Variants in SEC14L5 observed in about 807,000 individuals in gnomAD.
The protein encoded by SEC14L5 is SEC14 like lipid binding 5, also known as SEC14-like protein 5.
A neutral mutation model predicts 84.6 loss-of-function variants in SEC14L5; 96 were observed. That is an observed-to-expected ratio of 1.13 (90% CI 0.96 to 1.34). The LOEUF (loss-of-function observed/expected upper bound fraction) is 1.34, where lower values mean the gene tolerates loss of function less well. Among genes scored for constraint, SEC14L5 ranks in the 40% most tolerant of loss-of-function variants. The probability of loss-of-function intolerance (pLI) is 0.00; values close to 1 mark genes in which losing one functional copy is unlikely to be tolerated. For missense variants in SEC14L5, 1,224 were observed against 942.5 expected (o/e 1.30, Z -3.91); for synonymous variants, 546 against 383.4 (o/e 1.42, Z -4.95).
At chr16:4,995,769 G>A (rs1955602124) in intron 6 of SEC14L5, among the ~76,000 whole-genome samples, 2 of 151,956 alleles carry the variant, frequency 1.3e-5, no homozygotes, top group Non-Finnish European at 2.9e-5. Context: ...TGGGATTACA[G>A]GTGTGTGCCA....
chr16:4,989,607 A>G (rs1955530669), intron 4 of SEC14L5, among the ~76,000 whole-genome samples: 1 of 152,128 alleles, frequency 6.6e-6, no homozygotes, highest in Non-Finnish European at 1.5e-5. Context: ...TTGGCCTTCC[A>G]AAGTGCTGGG....
chr16:5,013,716 C>T (rs1327215485), intron 15 of SEC14L5, among the ~76,000 whole-genome samples: 3 of 151,692 alleles, frequency 2.0e-5, no homozygotes, highest in African/African-American at 7.3e-5. Context: ...GTACCACCAC[C>T]CCTGGCTAAT....
chr16:4,981,733 A>G (rs1029674264), intron 2 of SEC14L5, among the ~76,000 whole-genome samples: 1 of 152,120 alleles, frequency 6.6e-6, no homozygotes, highest in Non-Finnish European at 1.5e-5. Context: ...CTTGGGGTAA[A>G]TTAGTGAGCC....
rs935978966 is a variant in SEC14L5 at position 4,975,663 on chromosome 16, C to T, written c.64-11894C>T. ...TGTATGTGTCTTTTTCACATAATGA[C>T]TTCTTTTCCTTTGGGTAGATACCCA... On this transcript the variant is annotated intron_variant, in intron 2 of 15. Transcript: ENST00000251170. 2.8e-4 allele frequency among the ~76,000 whole-genome samples: 43 copies of T among 151,970 alleles called. 1 individual carries two copies. Among genetic ancestry groups the T allele is most frequent in the Admixed American group, 7.9e-4 (12 of 15,236 alleles).
chr16:4,997,572 A>G (rs903025946), intron 8 of SEC14L5, among the ~76,000 whole-genome samples: 1 of 152,176 alleles, frequency 6.6e-6, no homozygotes, highest in African/African-American at 2.4e-5. Context: ...TGAGCCCACA[A>G]TTACTCACAA....
In SEC14L5 at chr16:5,015,982, G is replaced by A. The variant is rs1955871249; in HGVS notation, c.*1012G>A. On this transcript the variant is annotated 3_prime_UTR_variant, in exon 16 of 16. Transcript: ENST00000251170. The stretch of plus-strand genomic sequence containing the variant: ...AGATGCCTTTCTCTCCTAGGGAACT[G>A]TTTAATTATGACTGTTTTTGGTTGT... 2 of 152,232 alleles carry A rather than the reference G, an allele frequency of 1.3e-5. No homozygotes were observed. Among genetic ancestry groups the A allele is most frequent in the Non-Finnish European group, 2.9e-5 (2 of 68,064 alleles). The allele number at this position is 152,232 out of a possible 1,614,324, so 9.4% of individuals were successfully genotyped here. A position where few individuals can be genotyped will look rare whatever the true frequency, so the allele number is the denominator to read the frequency against.
At chr16:4,994,848 T>G (rs2142510627) in intron 6 of SEC14L5, among the ~76,000 whole-genome samples, 1 of 152,208 alleles carries the variant, frequency 6.6e-6, no homozygotes, top group South Asian at 2.1e-4. Flanking sequence ...GAGGACATCC[T>G]CATGCCCCTT....
At chr16:5,003,285 C>A (rs963459911) in intron 10 of SEC14L5, 117 bp from the exon 11 acceptor site, 14 of 739,112 alleles carry the variant, frequency 1.9e-5, no homozygotes, top group African/African-American at 3.5e-5. Flanking sequence ...TGGCAGGAGC[C>A]CCCATCTGCT....
chr16:4,990,255 C>T (rs1332597724), intron 4 of SEC14L5, among the ~76,000 whole-genome samples: 1 of 152,032 alleles, frequency 6.6e-6, no homozygotes, highest in African/African-American at 2.4e-5. Context: ...CTCCGCCTCC[C>T]AGGTTCAAGC....
intron 2 of SEC14L5, among the ~76,000 whole-genome samples, chr16:4,961,897 G>T (rs1433180797): frequency 6.6e-6 from 1 of 152,062 alleles, no homozygotes; most frequent in African/African-American, 2.4e-5. Context: ...CATGTGAGCT[G>T]CCAGAGCCTT....
intron 2 of SEC14L5, among the ~76,000 whole-genome samples, chr16:4,962,316 G>A (rs936347727): frequency 6.6e-6 from 1 of 152,068 alleles, no homozygotes. Flanking sequence ...ATGAAGGCAC[G>A]GCTCCATTTA....
chr16:4,958,339 C>G lies in SEC14L5; in HGVS notation c.-158C>G, dbSNP rs1462591883. 2 of 152,520 alleles carry G rather than the reference C, an allele frequency of 1.3e-5. No individual in the cohort carries two copies. Among genetic ancestry groups the G allele is most frequent in the Admixed American group, 6.5e-5 (1 of 15,286 alleles). 9.4% of individuals were successfully genotyped at this position (152,520 alleles called of 1,614,324 possible). ...CCCGGGTCCTGGAGCTCTCTCGGCCCGGCAGGTTTCGCTCCCGCCCCTCCG... is the reference window on the plus strand; with the variant it reads ...CCCGGGTCCTGGAGCTCTCTCGGCCGGGCAGGTTTCGCTCCCGCCCCTCCG... On this transcript the variant is annotated 5_prime_UTR_variant, in exon 1 of 16. Transcript: ENST00000251170.
Position 4,987,620 on chromosome 16 carries a change from C to A in SEC14L5, c.127C>A (p.Arg43Ser), listed in dbSNP as rs750716247. 2 of 1,558,022 alleles carry A rather than the reference C, an allele frequency of 1.3e-6. No individual in the cohort carries two copies. The highest frequency in any genetic ancestry group is 8.7e-7 in the Non-Finnish European group (1 of 1,152,072). Residue 43 changes from arginine to serine, a missense_variant, in exon 3 of 16, where the codon CGC becomes AGC. Transcript: ENST00000251170. ...IPVFLGSEVL[R>S]ESRSPDGAVH... ...AGTCTTCCTGGGCAGCGAGGTCTTG[C>A]GCGAGTCCCGCAGCCCGGACGGGGC... is the stretch of plus-strand genomic sequence containing the variant.
chr16:5,000,846 C>G lies in SEC14L5; in HGVS notation c.1060-9C>G, dbSNP rs530978897. The G allele has an allele frequency of 3.8e-6, 6 of 1,599,714 alleles. No individual in the cohort carries two copies. The highest frequency in any genetic ancestry group is 1.1e-5 in the South Asian group (1 of 88,550). On this transcript the variant is annotated splice_polypyrimidine_tract_variant and intron_variant, in intron 9 of 15. Transcript: ENST00000251170. ...GCGGACGTTGAGCAGCACTGTCTCT[C>G]CCTTCCAGGTTCTCTCCGTCAACGA...
At chr16:4,987,955 G>T (rs1001491788) in intron 3 of SEC14L5, among the ~76,000 whole-genome samples, 194 bp from the exon 4 acceptor site, 2 of 152,130 alleles carry the variant, frequency 1.3e-5, no homozygotes, top group Non-Finnish European at 2.9e-5. Context: ...GCCGGAGCTG[G>T]GTGGTGAAGA....
intron 10 of SEC14L5, among the ~76,000 whole-genome samples, chr16:5,001,247 T>G (rs931474479): frequency 1.5e-4 from 22 of 149,374 alleles, no homozygotes; most frequent in African/African-American, 5.4e-4. Flanking sequence ...CTCCTTGACT[T>G]TGCTTTTTTT....
Position 5,008,436 on chromosome 16 carries a change from C to G in SEC14L5, c.1588C>G (p.Leu530Val). 1 of 1,612,912 alleles carries G rather than the reference C, an allele frequency of 6.2e-7. No homozygotes were observed. Among genetic ancestry groups the G allele is most frequent in the South Asian group, 1.1e-5 (1 of 91,032 alleles). The change falls in exon 14 of 16, where the codon CTG (leucine) becomes GTG (valine). Residue 530 changes from leucine (L) to valine (V), a missense_variant. Coordinates refer to ENST00000251170, the MANE Select transcript of SEC14L5 (RefSeq NM_014692.2). The stretch of plus-strand genomic sequence containing the variant: ...CTCCACACAGGTGGCCGTGGAGATC[C>G]TGGAAGGAGAGTCGGTCATCACCTG... Reference protein sequence around the residue: ...GAPHEVAVEILEGESVITWDF... With the variant: ...GAPHEVAVEIVEGESVITWDF...
chr16:4,990,800 G>C lies in SEC14L5; in HGVS notation c.379G>C (p.Glu127Gln), dbSNP rs369654000. ...TGAGAATGAAGACTGGACTTGCTTC[G>C]AGCAGTCTGCCTCACTGGACATTCG... The part of the protein sequence containing the change: ...HPENEDWTCF[E>Q]QSASLDIRSF... Residue 127 changes from glutamate (E) to glutamine (Q), a missense_variant, in exon 5 of 16, where the codon GAG becomes CAG. By Grantham distance (29) the Glu-to-Gln change is conservative (BLOSUM62 2). Coordinates refer to ENST00000251170, the MANE Select transcript of SEC14L5 (RefSeq NM_014692.2). 6.2e-7 allele frequency: 1 copy of C among 1,611,704 alleles called. No individual in the cohort carries two copies. Among genetic ancestry groups the C allele is most frequent in the Non-Finnish European group, 8.5e-7 (1 of 1,178,766 alleles).
At chr16:5,000,578 C>A in intron 8 of SEC14L5, 77 bp from the exon 9 acceptor site, 1 of 1,131,868 alleles carries the variant, frequency 8.8e-7, no homozygotes, top group Non-Finnish European at 1.3e-6. Context: ...AAGCTCTCAC[C>A]TGCAGCTGTG....
Sources: allele counts gnomAD v4.1 joint callset (sites outside exome capture counted in the v4.1 genomes callset), GRCh38; gene constraint gnomAD v4.1.1; transcripts MANE v1.5; gene names NCBI Gene and HGNC (gene_info 2026-07-23, HGNC 2026-07-21).